The following ZNF250 variants were observed in gnomAD, a reference collection of about 807,000 sequenced individuals.
ZNF250 encodes zinc finger protein 250, also known as zinc finger protein (clone 647).
In ZNF250, 13 loss-of-function variants were observed where a neutral mutation model predicts 37.1. The ratio of observed to expected loss-of-function variants is 0.35; its 90% CI spans 0.23 to 0.56. The LOEUF (loss-of-function observed/expected upper bound fraction) is 0.56, where lower values mean the gene tolerates loss of function less well. Ranked by LOEUF, ZNF250 falls within the 20% of genes least tolerant of loss-of-function variation. The pLI is 0.87. For synonymous variants in ZNF250, 251 were observed against 265.6 expected, an observed-to-expected ratio of 0.94 and a Z score of 0.54; for missense variants, 474 against 697.9, an observed-to-expected ratio of 0.68 and a Z score of 3.61.
chr8:144,889,503 C>G (rs1381120602), intron 4 of ZNF250, 78 bp downstream of exon 4: 1 of 1,173,392 alleles, frequency 8.5e-7, no homozygotes, highest in Non-Finnish European at 1.2e-6. Context: ...GTGAGCGGCA[C>G]AGTATGAACT....
rs1217156873 is a variant in ZNF250, at chr8:144,891,329, G to A, written c.-54-926C>T. On this transcript the variant is annotated intron_variant, in intron 1 of 5. Transcript: ENST00000417550. The surrounding 1 kb of genome is among the most constrained non-coding windows in gnomAD (Gnocchi z 4.0). The stretch of plus-strand genomic sequence containing the variant: ...CCCCTCACATGCTTGGCTCAGATGG[G>A]CACCACAACAAACAGGGTGCTTTAA... 6.6e-6 allele frequency among the ~76,000 whole-genome samples: 1 copy of A among 152,166 alleles called. No homozygotes were observed. Among genetic ancestry groups the A allele is most frequent in the African/African-American group, 2.4e-5 (1 of 41,432 alleles).
Position 144,882,444 on chromosome 8 carries a change from C to T in ZNF250, c.739G>A (p.Glu247Lys). Residue 247 changes from glutamate to lysine, a missense_variant, in exon 6 of 6, where the codon GAG becomes AAG. By Grantham distance (56) the Glu-to-Lys change is moderately conservative. Coordinates refer to ENST00000417550, the MANE Select transcript of ZNF250 (RefSeq NM_001109689.4). The surrounding 1 kb of genome is among the most constrained non-coding windows in gnomAD (Gnocchi z 5.5). ...LSKHRRIHTG[E>K]KPYECNECGK... ...CACTCATTACACTCATAGGGCTTCTCACCTGTGTGAATTCTCCTGTGTTTA... is the reference window on the plus strand; with the variant it reads ...CACTCATTACACTCATAGGGCTTCTTACCTGTGTGAATTCTCCTGTGTTTA... The T allele has an allele frequency of 6.2e-7, 1 of 1,614,152 alleles. No homozygotes were observed. The highest frequency in any genetic ancestry group is 8.5e-7 in the Non-Finnish European group (1 of 1,180,026).
At chr8:144,888,223 G>C (rs998945302) in intron 4 of ZNF250, among the ~76,000 whole-genome samples, 3 of 152,050 alleles carry the variant, frequency 2.0e-5, no homozygotes, top group Admixed American at 6.6e-5. Flanking sequence ...ATTAATTCTT[G>C]GATGCTTTAT....
Position 144,890,075 on chromosome 8 carries a change from C to T in ZNF250, c.43-16G>A, listed in dbSNP as rs1473856225. The T allele has an allele frequency of 6.2e-7, 1 of 1,609,532 alleles. No homozygotes were observed. On this transcript the variant is annotated splice_polypyrimidine_tract_variant and intron_variant, in intron 2 of 5. Transcript: ENST00000417550. The surrounding 1 kb of genome is among the most constrained non-coding windows in gnomAD (Gnocchi z 5.1). ...TCAGCTTGGCCTGGAACGACAGGGG[C>T]TGCTGCAGGTAAAACCAAATCCTGA...
intron 1 of ZNF250, among the ~76,000 whole-genome samples, chr8:144,899,619 T>C (rs893929543): frequency 6.6e-6 from 1 of 152,134 alleles, no homozygotes; most frequent in East Asian, 1.9e-4. Flanking sequence ...AAAGCAGAGC[T>C]CCACAGATCT....
rs1245524348 is a variant in ZNF250 at position 144,881,524 on chromosome 8, T to C, written c.1659A>G (p.Arg553=). ...GHLIQHQKVH[R]KL ...TTGTGTCAGCCATGGGTCACAACTT[T>C]CTGTGCACTTTCTGGTGCTGGATTA... Residue 553 remains arginine (R), a synonymous_variant, in exon 6 of 6, where the codon AGA becomes AGG. Transcript: ENST00000417550. 1.9e-6 allele frequency: 3 copies of C among 1,587,944 alleles called. No individual in the cohort carries two copies. The highest frequency in any genetic ancestry group is 2.2e-5 in the East Asian group (1 of 44,478).
chr8:144,896,225 T>G (rs1361799531), intron 1 of ZNF250, among the ~76,000 whole-genome samples: 2 of 151,874 alleles, frequency 1.3e-5, no homozygotes, highest in African/African-American at 4.8e-5. Context: ...AGCTGGTTTG[T>G]AGACCTAGGT....
Position 144,890,270 on chromosome 8 carries a change from G to T in ZNF250, c.42+38C>A. The T allele has an allele frequency of 6.5e-7, 1 of 1,547,000 alleles. No homozygotes were observed. Among genetic ancestry groups the T allele is most frequent in the Non-Finnish European group, 8.8e-7 (1 of 1,138,774 alleles). On this transcript the variant is annotated intron_variant, in intron 2 of 5. Transcript: ENST00000417550. This position sits in a 1 kb window ranked among gnomAD's most constrained non-coding sequence, Gnocchi z 5.1. ...GGGCACGGAAGGAACCACAGGGCTC[G>T]GGCTGGGGGCACTGCATAAGCACTG...
chr8:144,896,188 C>G (rs1446040256), intron 1 of ZNF250, among the ~76,000 whole-genome samples: 1 of 151,422 alleles, frequency 6.6e-6, no homozygotes, highest in South Asian at 2.1e-4. Flanking sequence ...AGTGAGACCC[C>G]GTCTCTATAA....
In ZNF250 at chr8:144,890,444, G is replaced by A; in HGVS notation, c.-54-41C>T. On this transcript the variant is annotated intron_variant, in intron 1 of 5. Coordinates refer to ENST00000417550, the MANE Select transcript of ZNF250 (RefSeq NM_001109689.4). This position sits in a 1 kb window ranked among gnomAD's most constrained non-coding sequence, Gnocchi z 5.1. Reference sequence around the variant, plus strand: ...GGGCAAGTGAGGGGCATGGCCTTGAGACCGTAACTTCCTAGGGGGCCCTCA... The same window carrying A: ...GGGCAAGTGAGGGGCATGGCCTTGAAACCGTAACTTCCTAGGGGGCCCTCA... 1 of 1,274,086 alleles carries A rather than the reference G, an allele frequency of 7.8e-7. No individual in the cohort carries two copies. 78.9% of individuals were successfully genotyped at this position (1,274,086 alleles called of 1,614,324 possible).
At position 144,889,989 on chromosome 8, in the gene ZNF250, T is replaced by C; in HGVS notation, c.113A>G (p.Gln38Arg). Residue 38 changes from glutamine (Q) to arginine (R), a missense_variant, in exon 3 of 6, where the codon CAG becomes CGG. By Grantham distance (43) the Gln-to-Arg change is conservative (BLOSUM62 1). Coordinates refer to ENST00000417550, the MANE Select transcript of ZNF250 (RefSeq NM_001109689.4). ...CATCACATTTCTGTAGAGACCCCTC[T>C]GAGCAGGGCACAGGCGGTCCCATTC... ...QDEWDRLCPAQRGLYRNVMME... is the reference protein window; with the variant it reads ...QDEWDRLCPARRGLYRNVMME... The C allele has an allele frequency of 2.5e-6, 4 of 1,613,570 alleles. No homozygotes were observed. The highest frequency in any genetic ancestry group is 3.4e-6 in the Non-Finnish European group (4 of 1,179,676).
At position 144,897,928 on chromosome 8, in the gene ZNF250, G is replaced by A. The variant is rs918540910; in HGVS notation, c.-55+3471C>T. On this transcript the variant is annotated intron_variant, in intron 1 of 5. Coordinates refer to ENST00000417550, the MANE Select transcript of ZNF250 (RefSeq NM_001109689.4). The surrounding 1 kb of genome is among the most constrained non-coding windows in gnomAD (Gnocchi z 5.2). ...GGGTTTTCCACCCTGGGCCGGCCAG[G>A]TGTTCCTTGCCCTCATTCCGGTAAA... Among the ~76,000 whole-genome samples the A allele has an allele frequency of 2.6e-5, 4 of 152,352 alleles. No homozygotes were observed. Among genetic ancestry groups the A allele is most frequent in the African/African-American group, 4.8e-5 (2 of 41,578 alleles).
In ZNF250 at chr8:144,890,825, C is replaced by T. The variant is rs998430188; in HGVS notation, c.-54-422G>A. On this transcript the variant is annotated intron_variant, in intron 1 of 5. Transcript: ENST00000417550. The surrounding 1 kb of genome is among the most constrained non-coding windows in gnomAD (Gnocchi z 5.1). ...ACAGGCATCAGGCCAAGCTGCTTCC[C>T]CAAACACCCTCCCAATTAAGAAAGC... 1.3e-5 allele frequency among the ~76,000 whole-genome samples: 2 copies of T among 152,188 alleles called. No homozygotes were observed. The highest frequency in any genetic ancestry group is 4.8e-5 in the African/African-American group (2 of 41,444).
chr8:144,893,793 G>T lies in ZNF250; in HGVS notation c.-54-3390C>A, dbSNP rs939097272. Among the ~76,000 whole-genome samples, 3 of 152,264 alleles carry T rather than the reference G, an allele frequency of 2.0e-5. No individual in the cohort carries two copies. In the East Asian group the frequency reaches 5.8e-4, roughly 29 times the overall value. On this transcript the variant is annotated intron_variant, in intron 1 of 5. Coordinates refer to ENST00000417550, the MANE Select transcript of ZNF250 (RefSeq NM_001109689.4). Reference sequence around the variant, plus strand: ...CAGGGCCTCCCTAGCAGGTCTTGCAGCCAGTTCTCTTGACACAGGAGGTGC... The same window carrying T: ...CAGGGCCTCCCTAGCAGGTCTTGCATCCAGTTCTCTTGACACAGGAGGTGC...
rs373958855 is a variant in ZNF250, at chr8:144,882,871, C to T, written c.347-35G>A. ...CAAATCCAAAATGAAAATGTTAACA[C>T]TACTCAAAACTGAAGAGCTAGTGCA... On this transcript the variant is annotated intron_variant, in intron 5 of 5. Transcript: ENST00000417550. This position sits in a 1 kb window ranked among gnomAD's most constrained non-coding sequence, Gnocchi z 5.5. 9.6e-6 allele frequency: 15 copies of T among 1,567,770 alleles called. No homozygotes were observed. Among genetic ancestry groups the T allele is most frequent in the Non-Finnish European group, 1.1e-5 (13 of 1,158,636 alleles).
At chr8:144,884,856 A>AT (rs1831755662) in intron 5 of ZNF250, among the ~76,000 whole-genome samples, 1 of 151,870 alleles carries the variant, frequency 6.6e-6, no homozygotes, top group Non-Finnish European at 1.5e-5. Context: ...AGATCTTTCC[A>AT]TTTTTTCCAT....
Position 144,882,197 on chromosome 8 carries a change from G to C in ZNF250, c.986C>G (p.Thr329Ser). 1.2e-6 allele frequency: 2 copies of C among 1,614,100 alleles called. No individual in the cohort carries two copies. Among genetic ancestry groups the C allele is most frequent in the South Asian group, 1.1e-5 (1 of 91,080 alleles). ...ATTGCACCTGTGAGGCTTCTCCCCA[G>C]TGTGTACCCTCTGGTGGCTCCGCAG... is the stretch of plus-strand genomic sequence containing the variant. ...TVLRSHQRVH[T>S]GEKPHRCNEC... Residue 329 changes from threonine to serine, a missense_variant, in exon 6 of 6, where the codon ACT becomes AGT. By Grantham distance (58) the Thr-to-Ser change is moderately conservative. This residue lies in a region of ZNF250 where 282 missense variants were observed against 470.4 expected (regional missense o/e 0.60). Transcript: ENST00000417550. This position sits in a 1 kb window ranked among gnomAD's most constrained non-coding sequence, Gnocchi z 5.5.
Position 144,882,041 on chromosome 8 carries a change from T to C in ZNF250, c.1142A>G (p.His381Arg), listed in dbSNP as rs1831514948. The C allele has an allele frequency of 3.7e-6, 6 of 1,613,980 alleles. No individual in the cohort carries two copies. Among genetic ancestry groups the C allele is most frequent in the Non-Finnish European group, 5.1e-6 (6 of 1,179,948 alleles). ...GGGCTTCTCCCCGGTGTGCACGTTG[T>C]GGTGCTGAATGAGGACTGAGCGGTC... ...FSDRSVLIQHHNVHTGEKPYE... is the reference protein window; with the variant it reads ...FSDRSVLIQHRNVHTGEKPYE... Residue 381 changes from histidine to arginine, a missense_variant, in exon 6 of 6, where the codon CAC becomes CGC. His to Arg is a conservative substitution (Grantham distance 29). Around this residue, in one of 2 missense-constraint regions of ZNF250, gnomAD observed 282 missense variants for 470.4 expected, o/e 0.60. Coordinates refer to ENST00000417550, the MANE Select transcript of ZNF250 (RefSeq NM_001109689.4). The surrounding 1 kb of genome is among the most constrained non-coding windows in gnomAD (Gnocchi z 5.5).
intron 1 of ZNF250, among the ~76,000 whole-genome samples, chr8:144,899,735 C>A (rs929017223): frequency 2.6e-5 from 4 of 152,006 alleles, no homozygotes; most frequent in African/African-American, 9.7e-5. Context: ...TTTTTCAAAT[C>A]AATGGGAAGA....
Sources: allele counts gnomAD v4.1 joint callset (sites outside exome capture counted in the v4.1 genomes callset), GRCh38; gene constraint gnomAD v4.1.1; regional missense constraint gnomAD v4.1.1; non-coding constraint Gnocchi (gnomAD v3.1); transcripts MANE v1.5; gene names NCBI Gene and HGNC (gene_info 2026-07-23, HGNC 2026-07-21).